CHD9: variants seen among roughly 807,000 people sequenced by gnomAD.
The protein encoded by CHD9 is ATP-dependent chromatin remodeler CHD9.
CHD9 carries 77 observed loss-of-function variants against 316.1 expected under a neutral mutation model. The observed-to-expected ratio is 0.24, with a 90% CI of 0.20 to 0.29. The LOEUF is 0.29. Among genes scored for constraint, CHD9 ranks in the 10% least tolerant of loss-of-function variants. The probability of loss-of-function intolerance (pLI) is 1.00; values close to 1 mark genes in which losing one functional copy is unlikely to be tolerated. For synonymous variants in CHD9, 1,129 were observed against 1,158.3 expected, an observed-to-expected ratio of 0.97 and a Z score of 0.51; for missense variants, 2,763 against 3,438.1, an observed-to-expected ratio of 0.80 and a Z score of 4.91.
chr16:53,159,594 A>T (rs190028314), intron 2 of CHD9, among the ~76,000 whole-genome samples: 1 of 152,026 alleles, frequency 6.6e-6, no homozygotes, highest in African/African-American at 2.4e-5. Flanking sequence ...TTCCCATTGG[A>T]TTGACTATAG....
At chr16:53,256,381 C>CTTTTTTTTTT (rs1163977563) in intron 19 of CHD9, among the ~76,000 whole-genome samples, 8 of 99,258 alleles carry the variant, frequency 8.1e-5, no homozygotes, top group Admixed American at 1.1e-4. Flanking sequence ...TTTTTCTTTT[C>CTTTTTTTTTT]TTTTTTTTTT....
chr16:53,150,318 A>G (rs1349264298), intron 1 of CHD9, among the ~76,000 whole-genome samples: 1 of 152,074 alleles, frequency 6.6e-6, no homozygotes, highest in Non-Finnish European at 1.5e-5. Flanking sequence ...ATAATTAACA[A>G]AAATTATAAC....
At chr16:53,242,082 C>G (rs1394451420) in intron 12 of CHD9, among the ~76,000 whole-genome samples, 1 of 152,102 alleles carries the variant, frequency 6.6e-6, no homozygotes, top group Non-Finnish European at 1.5e-5. Context: ...AGAATGCTTT[C>G]TTTTATAGAT....
chr16:53,229,040 C>A lies in CHD9; in HGVS notation c.2226C>A (p.Ile742=). ...AGCAGCTTTTGAAAGATAAAAGGAT[C>A]CAGCAGAAAATCAAACGATTCAAAT... ...TEEQLLKDKR[I]QQKIKRFKLR... Residue 742 remains isoleucine, a synonymous_variant, in exon 8 of 39, where the codon ATC becomes ATA. Coordinates refer to ENST00000447540, the MANE Select transcript of CHD9 (RefSeq NM_001308319.2). 3.8e-6 allele frequency: 6 copies of A among 1,599,746 alleles called. No homozygotes were observed. Among genetic ancestry groups the A allele is most frequent in the Non-Finnish European group, 5.1e-6 (6 of 1,172,664 alleles).
chr16:53,193,494 A>G (rs1481740537), intron 2 of CHD9, among the ~76,000 whole-genome samples: 2 of 152,120 alleles, frequency 1.3e-5, no homozygotes, highest in Non-Finnish European at 2.9e-5. Context: ...ATAGATGTAG[A>G]TTGATATCTC....
At position 53,157,187 on chromosome 16, in the gene CHD9, C is replaced by G; in HGVS notation, c.1098C>G (p.Asp366Glu). The part of the protein sequence containing the change: ...PVHMNFPDPV[D>E]SGTQMGHFND... Reference sequence around the variant, plus strand: ...ACATGAACTTCCCAGATCCTGTTGACTCAGGAACTCAAATGGGCCATTTCA... The same window carrying G: ...ACATGAACTTCCCAGATCCTGTTGAGTCAGGAACTCAAATGGGCCATTTCA... The change falls in exon 2 of 39, where the codon GAC becomes GAG. Residue 366 changes from aspartate to glutamate, a missense_variant. By Grantham distance (45) the Asp-to-Glu change is conservative. Transcript: ENST00000447540. 1 of 1,607,596 alleles carries G rather than the reference C, an allele frequency of 6.2e-7. No homozygotes were observed. The highest frequency in any genetic ancestry group is 8.5e-7 in the Non-Finnish European group (1 of 1,176,434).
intron 17 of CHD9, among the ~76,000 whole-genome samples, chr16:53,251,520 G>C (rs1054161836): frequency 6.6e-6 from 1 of 152,100 alleles, no homozygotes. Context: ...TACAGTCCTG[G>C]GTTCCAAATG....
chr16:53,311,326 G>A (rs1373737996), intron 34 of CHD9: 1 of 151,892 alleles, frequency 6.6e-6, no homozygotes, highest in East Asian at 1.9e-4. Flanking sequence ...TTATTCCTAT[G>A]TTACTTTTGG....
intron 1 of CHD9, among the ~76,000 whole-genome samples, chr16:53,109,088 T>C (rs1191694088): frequency 2.0e-5 from 3 of 152,008 alleles, no homozygotes; most frequent in Non-Finnish European, 4.4e-5. Context: ...AAAGCAGGGA[T>C]CGAGCAGCTC....
intron 31 of CHD9, among the ~76,000 whole-genome samples, chr16:53,305,836 A>G (rs1287442815): frequency 1.3e-5 from 2 of 152,204 alleles, no homozygotes; most frequent in Non-Finnish European, 2.9e-5. Context: ...TAAGAGTTAC[A>G]AGAGTCACCT....
At chr16:53,127,940 C>CA (rs35806274) in intron 1 of CHD9, among the ~76,000 whole-genome samples, 21,576 of 78,024 alleles carry the variant, frequency 0.28, 3,741 homozygotes, top group Admixed American at 0.4. Context: ...GAGACTCTGT[C>CA]AAAAAAAAAA....
At chr16:53,228,709 A>G (rs563738984) in intron 7 of CHD9, among the ~76,000 whole-genome samples, 2 of 152,140 alleles carry the variant, frequency 1.3e-5, no homozygotes, top group Non-Finnish European at 2.9e-5. Flanking sequence ...GGGAAATAAT[A>G]ATAGATAAAT....
chr16:53,281,230 A>T (rs570046178), intron 24 of CHD9, among the ~76,000 whole-genome samples: 1 of 152,176 alleles, frequency 6.6e-6, no homozygotes, highest in East Asian at 1.9e-4. Flanking sequence ...AATGACCAAC[A>T]TCTTACTTTC....
chr16:53,315,080 T>A (rs2056776846), intron 36 of CHD9, 36 bp downstream of exon 36: 2 of 1,453,426 alleles, frequency 1.4e-6, no homozygotes, highest in Admixed American at 3.7e-5. Flanking sequence ...TATATTTTAT[T>A]TTTATGAGTT....
intron 1 of CHD9, among the ~76,000 whole-genome samples, chr16:53,136,680 A>C (rs570545129): frequency 6.0e-4 from 91 of 152,096 alleles, no homozygotes; most frequent in Non-Finnish European, 9.1e-4. Context: ...GGAATGCTTT[A>C]TTTCATGGGT....
intron 1 of CHD9, among the ~76,000 whole-genome samples, chr16:53,134,268 A>G (rs929549933): frequency 2.0e-5 from 3 of 152,224 alleles, no homozygotes; most frequent in Non-Finnish European, 4.4e-5. Context: ...GTCAGAAGAG[A>G]TTTATGGATA....
chr16:53,253,698 C>T (rs766037714), intron 17 of CHD9, among the ~76,000 whole-genome samples: 8 of 152,132 alleles, frequency 5.3e-5, no homozygotes, highest in South Asian at 2.1e-4. Context: ...GTAGCTCACA[C>T]CTGTAATCCC....
intron 19 of CHD9, among the ~76,000 whole-genome samples, chr16:53,259,091 A>ACT (rs1451582285): frequency 6.6e-6 from 1 of 152,198 alleles, no homozygotes; most frequent in Non-Finnish European, 1.5e-5. Flanking sequence ...TTTAGGGGGA[A>ACT]CTAGGATATT....
chr16:53,126,221 T>C (rs1355276688), intron 1 of CHD9, among the ~76,000 whole-genome samples: 1 of 152,222 alleles, frequency 6.6e-6, no homozygotes, highest in Non-Finnish European at 1.5e-5. Context: ...TTTATTGTTT[T>C]GTGTGGTGTG....
Sources: gnomAD v4.1 joint callset for allele counts (sites outside exome capture counted in the v4.1 genomes callset) on GRCh38, gnomAD v4.1.1 for gene constraint, MANE v1.5 for transcripts, NCBI Gene and HGNC (gene_info 2026-07-23, HGNC 2026-07-21) for gene names.